Variants in LPA observed in about 807,000 individuals in gnomAD.
The protein encoded by LPA is lipoprotein(a).
In LPA, 199 loss-of-function variants were observed where a neutral mutation model predicts 197.9. The observed-to-expected ratio is 1.01, with a 90% CI of 0.90 to 1.13. The LOEUF (loss-of-function observed/expected upper bound fraction) is 1.13, where lower values mean the gene tolerates loss of function less well. LPA is among the 50% of genes most tolerant of loss of function. The probability of loss-of-function intolerance (pLI) is 0.00; values close to 1 mark genes in which losing one functional copy is unlikely to be tolerated. For synonymous variants in LPA, 715 were observed against 639.5 expected, an observed-to-expected ratio of 1.12 and a Z score of -1.78; for missense variants, 1,853 against 1,785.8, an observed-to-expected ratio of 1.04 and a Z score of -0.68.
chr6:160,540,955 A>C, intron 35 of LPA, 152 bp downstream of exon 35: 2 of 697,546 alleles, frequency 2.9e-6, no homozygotes. Context: ...AGGATTCTGC[A>C]TGCATTCCCT....
chr6:160,595,319 C>T, intron 21 of LPA, 35 bp downstream of exon 21: 1 of 1,609,156 alleles, frequency 6.2e-7, no homozygotes, highest in Non-Finnish European at 8.5e-7. Flanking sequence ...ATCCCAACGT[C>T]CTAGGGTGTG....
chr6:160,649,008 A>T (rs547971118), intron 2 of LPA, among the ~76,000 whole-genome samples: 1 of 152,308 alleles, frequency 6.6e-6, no homozygotes, highest in East Asian at 1.9e-4. Flanking sequence ...TAGCTGAGCC[A>T]CTTGACTTTG....
intron 16 of LPA, among the ~76,000 whole-genome samples, chr6:160,610,842 C>A (rs1156388663): frequency 1.3e-5 from 2 of 152,140 alleles, no homozygotes; most frequent in African/African-American, 4.8e-5. Flanking sequence ...GGCCCTCTCT[C>A]AATTCTCTAG....
intron 24 of LPA, 67 bp downstream of exon 24, chr6:160,589,486 G>C: frequency 6.3e-7 from 1 of 1,581,836 alleles, no homozygotes; most frequent in Non-Finnish European, 8.7e-7. Flanking sequence ...TTAGCTGGAA[G>C]CATGGCTCTT....
intron 7 of LPA, 152 bp downstream of exon 7, chr6:160,634,971 C>T (rs574336247): frequency 2.7e-6 from 4 of 1,495,928 alleles, no homozygotes; most frequent in East Asian, 4.5e-5. Flanking sequence ...CTGGCTCCCC[C>T]AGAGAGTACA....
chr6:160,592,081 C>T (rs1779040971), intron 22 of LPA, among the ~76,000 whole-genome samples: 1 of 152,150 alleles, frequency 6.6e-6, no homozygotes, highest in Non-Finnish European at 1.5e-5. Flanking sequence ...GGAAATTTGT[C>T]AGCCGTCATG....
intron 19 of LPA, among the ~76,000 whole-genome samples, chr6:160,600,238 GA>G (rs1398814660): frequency 1.3e-5 from 2 of 152,128 alleles, no homozygotes; most frequent in South Asian, 2.1e-4. Flanking sequence ...ATAAGATAGG[GA>G]ATCCTCTCGT....
Position 160,600,940 on chromosome 6 carries a change from C to A in LPA, c.3104G>T (p.Ser1035Ile). 6.2e-7 allele frequency: 1 copy of A among 1,613,014 alleles called. No homozygotes were observed. The highest frequency in any genetic ancestry group is 8.5e-7 in the Non-Finnish European group (1 of 1,179,970). The change falls in exon 19 of 39, where the codon AGC becomes ATC. Residue 1035 changes from serine to isoleucine, a missense_variant. Coordinates refer to ENST00000316300, the MANE Select transcript of LPA (RefSeq NM_005577.4). ...FVPPNVILAP[S>I]LEAFFEQALT... ...ACCTTGTTCAAAAAAAGCCTCTAGG[C>A]TTGGAGCCAGAATAACATTCGGAGG...
intron 26 of LPA, among the ~76,000 whole-genome samples, chr6:160,580,640 T>C (rs889382296): frequency 2.0e-5 from 3 of 152,230 alleles, no homozygotes; most frequent in African/African-American, 7.2e-5. Context: ...ATGAGGGTTA[T>C]AACTCTTGAT....
chr6:160,546,687 G>A (rs1023926508), intron 32 of LPA, among the ~76,000 whole-genome samples: 1 of 152,154 alleles, frequency 6.6e-6, no homozygotes, highest in Non-Finnish European at 1.5e-5. Context: ...AGAGTGTCAG[G>A]ACCGAGTTAC....
At position 160,654,050 on chromosome 6, in the gene LPA, A is replaced by ATT. The variant is rs1562354958; in HGVS notation, c.50-3554_50-3553insAA. Among the ~76,000 whole-genome samples the ATT allele has an allele frequency of 8.8e-3, 73 of 8,342 alleles. 6 individuals carry two copies. The highest frequency in any genetic ancestry group is 0.031 in the African/African-American group (67 of 2,174). 5.5% of individuals were successfully genotyped at this position (8,342 alleles called of 152,430 possible). On this transcript the variant is annotated intron_variant, in intron 1 of 38. Coordinates refer to ENST00000316300, the MANE Select transcript of LPA (RefSeq NM_005577.4). ...ATAATATATATTATATATAATATAT[A>ATT]ATATATTATATATATTATATATAAT...
chr6:160,585,543 G>C (rs557105873), intron 25 of LPA, among the ~76,000 whole-genome samples: 10 of 152,092 alleles, frequency 6.6e-5, no homozygotes, highest in Non-Finnish European at 1.2e-4. Context: ...CAGGAGACCA[G>C]GGTGCCATGC....
At chr6:160,651,182 G>A (rs923889242) in intron 1 of LPA, among the ~76,000 whole-genome samples, 6 of 152,126 alleles carry the variant, frequency 3.9e-5, no homozygotes, top group Admixed American at 2.6e-4. Context: ...TCCCTTCAAA[G>A]CCCTGCAGAA....
At chr6:160,656,440 C>G (rs1489150961) in intron 1 of LPA, among the ~76,000 whole-genome samples, 1 of 152,086 alleles carries the variant, frequency 6.6e-6, no homozygotes, top group Non-Finnish European at 1.5e-5. Flanking sequence ...GAGGATAAGT[C>G]CAGGGACCCA....
At chr6:160,580,175 T>C (rs6910635) in intron 26 of LPA, among the ~76,000 whole-genome samples, 61,604 of 152,112 alleles carry the variant, frequency 0.4, 13,223 homozygotes, top group African/African-American at 0.56. Flanking sequence ...AATATATTTT[T>C]GAGGTTTGTT....
intron 38 of LPA, 117 bp downstream of exon 38, chr6:160,532,414 A>C: frequency 1.2e-6 from 1 of 804,476 alleles, no homozygotes; most frequent in Non-Finnish European, 2.2e-6. Flanking sequence ...AGCAACACTT[A>C]GACTGGGGTC....
intron 37 of LPA, among the ~76,000 whole-genome samples, chr6:160,535,848 C>T (rs1777886712): frequency 6.6e-6 from 1 of 152,166 alleles, no homozygotes; most frequent in Non-Finnish European, 1.5e-5. Flanking sequence ...AGAGCCAGAA[C>T]TCACACCCAG....
intron 1 of LPA, among the ~76,000 whole-genome samples, chr6:160,651,254 A>C (rs1295623796): frequency 6.6e-6 from 1 of 152,302 alleles, no homozygotes; most frequent in Admixed American, 6.5e-5. Context: ...CCAAAGATTG[A>C]GCATTCATTA....
At chr6:160,581,961 G>A (rs1011610717) in intron 26 of LPA, among the ~76,000 whole-genome samples, 1 of 152,030 alleles carries the variant, frequency 6.6e-6, no homozygotes, top group Non-Finnish European at 1.5e-5. Flanking sequence ...ATAGTATTTT[G>A]TGGTTTTGAT....
Sources: gnomAD v4.1 joint callset for allele counts (sites outside exome capture counted in the v4.1 genomes callset) on GRCh38, gnomAD v4.1.1 for gene constraint, MANE v1.5 for transcripts, NCBI Gene and HGNC (gene_info 2026-07-23, HGNC 2026-07-21) for gene names.